Variants in MATN3 observed in about 807,000 individuals in gnomAD.
The protein encoded by MATN3 is matrilin 3.
Under a neutral mutation model 45.3 loss-of-function variants are expected in MATN3, and 48 were observed. That is an observed-to-expected ratio of 1.06 (90% CI 0.84 to 1.35). MATN3 has a LOEUF of 1.35. Ranked by LOEUF, MATN3 falls within the 40% of genes most tolerant of loss-of-function variation. The pLI is 0.00. For synonymous variants in MATN3, 217 were observed against 245.9 expected, an observed-to-expected ratio of 0.88 and a Z score of 1.10; for missense variants, 599 against 628.0, an observed-to-expected ratio of 0.95 and a Z score of 0.49.
chr2:19,992,942 G>T lies in MATN3; in HGVS notation c.*169C>A. ...ATATGTATTTCCTTGGAAGAATCAT[G>T]CTGATTCTGCAGAAGATCTTCATAC... On this transcript the variant is annotated 3_prime_UTR_variant, in exon 8 of 8. Coordinates refer to ENST00000407540, the MANE Select transcript of MATN3 (RefSeq NM_002381.5). The T allele has an allele frequency of 1.6e-6, 1 of 614,450 alleles. No homozygotes were observed. The highest frequency in any genetic ancestry group is 2.9e-6 in the Non-Finnish European group (1 of 350,180). 38.1% of individuals were successfully genotyped at this position (614,450 alleles called of 1,614,324 possible). A position where few individuals can be genotyped will look rare whatever the true frequency, so the allele number is the denominator to read the frequency against.
At chr2:19,997,397 A>G (rs1417510094) in intron 5 of MATN3, 138 bp from the exon 6 acceptor site, 25 of 803,098 alleles carry the variant, frequency 3.1e-5, no homozygotes, top group African/African-American at 5.3e-5. Context: ...AACAGGCCCC[A>G]TGCTGCAGGA....
At chr2:19,996,641 C>A (rs1329507369) in intron 6 of MATN3, among the ~76,000 whole-genome samples, 4 of 152,000 alleles carry the variant, frequency 2.6e-5, no homozygotes, top group Admixed American at 2.6e-4. Context: ...AATCTGGGGG[C>A]AAATGTAGTA....
intron 7 of MATN3, 46 bp downstream of exon 7, chr2:19,994,253 C>CTTGG: frequency 7.9e-7 from 1 of 1,263,316 alleles, no homozygotes; most frequent in Non-Finnish European, 1.1e-6. Context: ...ATCGTAGTAC[C>CTTGG]TTGGTTGGCT....
At chr2:19,994,108 T>C (rs923041568) in intron 7 of MATN3, among the ~76,000 whole-genome samples, 191 bp downstream of exon 7, 1 of 152,230 alleles carries the variant, frequency 6.6e-6, no homozygotes, top group African/African-American at 2.4e-5. Flanking sequence ...CATGTAAATA[T>C]TGAATGGGTG....
At chr2:19,999,626 TAAAAA>T (rs56100312) in intron 5 of MATN3, among the ~76,000 whole-genome samples, 1,338 of 120,164 alleles carry the variant, frequency 0.011, 41 homozygotes, top group Admixed American at 0.067. Context: ...GGTTTCCCTT[TAAAAA>T]AAAAAAAAAA....
intron 4 of MATN3, among the ~76,000 whole-genome samples, chr2:20,001,369 C>G (rs1048792496): frequency 5.9e-5 from 9 of 152,316 alleles, no homozygotes; most frequent in African/African-American, 2.2e-4. Context: ...GGGACACTTC[C>G]TAAGTCTTTC....
chr2:20,006,772 G>A (rs1430471712), intron 1 of MATN3, among the ~76,000 whole-genome samples: 1 of 152,190 alleles, frequency 6.6e-6, no homozygotes, highest in African/African-American at 2.4e-5. Context: ...ATGGTAGTCT[G>A]AGGCAAGGCA....
chr2:19,998,255 G>T (rs1250171056), intron 5 of MATN3, among the ~76,000 whole-genome samples: 2 of 151,894 alleles, frequency 1.3e-5, no homozygotes, highest in Non-Finnish European at 2.9e-5. Flanking sequence ...TTATAGCAGG[G>T]TGTTTCATTT....
intron 7 of MATN3, 83 bp downstream of exon 7, chr2:19,994,216 G>A: frequency 6.3e-6 from 5 of 788,114 alleles, no homozygotes; most frequent in Non-Finnish European, 1.1e-5. Context: ...TCACTTGCCT[G>A]TGGAATGTCT....
chr2:19,997,125 G>A lies in MATN3; in HGVS notation c.1294+9C>T, dbSNP rs756322738. On this transcript the variant is annotated intron_variant, in intron 6 of 7. Coordinates refer to ENST00000407540, the MANE Select transcript of MATN3 (RefSeq NM_002381.5). ...CCAAAGGAAATAGCCTTAAAGGGCTGATCCTCACCTGAACATGTTTTCTTG... is the reference window on the plus strand; with the variant it reads ...CCAAAGGAAATAGCCTTAAAGGGCTAATCCTCACCTGAACATGTTTTCTTG... The A allele has an allele frequency of 1.9e-6, 3 of 1,613,170 alleles. No individual in the cohort carries two copies. Among genetic ancestry groups the A allele is most frequent in the Non-Finnish European group, 1.7e-6 (2 of 1,179,556 alleles).
At chr2:20,003,356 A>AAT in intron 2 of MATN3, 70 bp from the exon 3 acceptor site, 1 of 1,449,140 alleles carries the variant, frequency 6.9e-7, no homozygotes, top group East Asian at 2.4e-5. Flanking sequence ...CTCCCATGTC[A>AAT]ATAGACATTG....
intron 1 of MATN3, among the ~76,000 whole-genome samples, chr2:20,010,067 T>TAAAAAGAAAAAAAAAAA (rs1673188875): frequency 1.5e-5 from 1 of 68,706 alleles, no homozygotes; most frequent in Non-Finnish European, 2.5e-5. Context: ...CTTCAAATAC[T>TAAAAAGAAAAAAAAAAA]AAAAAAAAAA....
At chr2:20,010,117 A>G (rs1038698699) in intron 1 of MATN3, among the ~76,000 whole-genome samples, 7 of 146,684 alleles carry the variant, frequency 4.8e-5, no homozygotes, top group South Asian at 2.1e-4. Context: ...TCATTCCTGG[A>G]AAGTCCCATA....
At position 20,012,617 on chromosome 2, in the gene MATN3, G is replaced by C; in HGVS notation, c.15C>G (p.Ala5=). The part of the protein sequence containing the change: MPRP[A]PARRLPGLLL... Reference sequence around the variant, plus strand: ...GGAGTCCCGGGAGGCGGCGCGCGGGGGCCGGGCGCGGCATGGTGGGCTCCG... The same window carrying C: ...GGAGTCCCGGGAGGCGGCGCGCGGGCGCCGGGCGCGGCATGGTGGGCTCCG... Residue 5 remains alanine (A), a synonymous_variant, in exon 1 of 8, where the codon GCC becomes GCG. Coordinates refer to ENST00000407540, the MANE Select transcript of MATN3 (RefSeq NM_002381.5). The surrounding 1 kb of genome is among the most constrained non-coding windows in gnomAD (Gnocchi z 4.3). 1 of 1,216,908 alleles carries C rather than the reference G, an allele frequency of 8.2e-7. No homozygotes were observed. The highest frequency in any genetic ancestry group is 4.3e-5 in the Admixed American group (1 of 23,130). 75.4% of individuals were successfully genotyped at this position (1,216,908 alleles called of 1,614,324 possible). A position where few individuals can be genotyped will look rare whatever the true frequency, so the allele number is the denominator to read the frequency against.
intron 1 of MATN3, among the ~76,000 whole-genome samples, chr2:20,009,270 T>TAAA (rs11365401): frequency 0.25 from 32,986 of 130,428 alleles, 4,543 homozygotes; most frequent in East Asian, 0.49. Context: ...TTTCTTTCTT[T>TAAA]AAAAAAAAAA....
rs963330242 is a variant in MATN3 at position 20,012,601 on chromosome 2, G to A, written c.31C>T (p.Pro11Ser). The A allele has an allele frequency of 2.3e-5, 28 of 1,221,986 alleles. No individual in the cohort carries two copies. Among genetic ancestry groups the A allele is most frequent in the Non-Finnish European group, 2.5e-5 (25 of 982,280 alleles). 75.7% of individuals were successfully genotyped at this position (1,221,986 alleles called of 1,614,324 possible). A position where few individuals can be genotyped will look rare whatever the true frequency, so the allele number is the denominator to read the frequency against. Residue 11 changes from proline (P) to serine (S), a missense_variant, in exon 1 of 8, where the codon CCG becomes TCG. Physicochemically the swap from Pro to Ser is moderately conservative, Grantham distance 74. Coordinates refer to ENST00000407540, the MANE Select transcript of MATN3 (RefSeq NM_002381.5). This position sits in a 1 kb window ranked among gnomAD's most constrained non-coding sequence, Gnocchi z 4.3. The stretch of plus-strand genomic sequence containing the variant: ...GGCCAGAGCAGCAGGAGGAGTCCCG[G>A]GAGGCGGCGCGCGGGGGCCGGGCGC... MPRPAPARRL[P>S]GLLLLLWPLL...
At chr2:19,999,626 TAAAAAAAAAA>T (rs56100312) in intron 5 of MATN3, among the ~76,000 whole-genome samples, 41 of 120,178 alleles carry the variant, frequency 3.4e-4, no homozygotes, top group African/African-American at 1.2e-3. Flanking sequence ...GGTTTCCCTT[TAAAAAAAAAA>T]AAAAAAAAAA....
rs1673242131 is a variant in MATN3, at chr2:20,012,614, G to C, written c.18C>G (p.Pro6=). 1 of 1,218,266 alleles carries C rather than the reference G, an allele frequency of 8.2e-7. No individual in the cohort carries two copies. Among genetic ancestry groups the C allele is most frequent in the Non-Finnish European group, 1.0e-6 (1 of 979,542 alleles). The allele number at this position is 1,218,266 out of a possible 1,614,324, so 75.5% of individuals were successfully genotyped here. Residue 6 remains proline, a synonymous_variant, in exon 1 of 8, where the codon CCC becomes CCG. Transcript: ENST00000407540. The surrounding 1 kb of genome is among the most constrained non-coding windows in gnomAD (Gnocchi z 4.3). The part of the protein sequence containing the change: MPRPA[P]ARRLPGLLLL... ...GGAGGAGTCCCGGGAGGCGGCGCGC[G>C]GGGGCCGGGCGCGGCATGGTGGGCT...
At chr2:20,005,122 T>G (rs539999897) in intron 2 of MATN3, among the ~76,000 whole-genome samples, 4 of 152,314 alleles carry the variant, frequency 2.6e-5, no homozygotes, top group African/African-American at 9.6e-5. Context: ...CATCTTGCTT[T>G]CTTTCAAGTG....
Sources: gnomAD v4.1 joint callset for allele counts (sites outside exome capture counted in the v4.1 genomes callset) on GRCh38, gnomAD v4.1.1 for gene constraint, Gnocchi (gnomAD v3.1) non-coding constraint, MANE v1.5 for transcripts, NCBI Gene and HGNC (gene_info 2026-07-23, HGNC 2026-07-21) for gene names.